Variants in OAS3 observed in about 807,000 individuals in gnomAD.
OAS3 encodes the protein 2'-5'-oligoadenylate synthase 3.
OAS3 carries 107 observed loss-of-function variants against 113.0 expected under a neutral mutation model. That is an observed-to-expected ratio of 0.95 (90% CI 0.81 to 1.11). The LOEUF is 1.11. Ranked by LOEUF, OAS3 falls within the 50% of genes most tolerant of loss-of-function variation. OAS3 has a pLI of 0.00. For missense variants in OAS3, 1,258 were observed against 1,389.1 expected, an observed-to-expected ratio of 0.91 and a Z score of 1.50; for synonymous variants, 552 against 573.6, an observed-to-expected ratio of 0.96 and a Z score of 0.54.
rs377162387 is a variant in OAS3 at position 112,967,597 on chromosome 12, C to G, written c.2865+4C>G. 2 of 1,612,122 alleles carry G rather than the reference C, an allele frequency of 1.2e-6. No individual in the cohort carries two copies. Among genetic ancestry groups the G allele is most frequent in the Non-Finnish European group, 1.7e-6 (2 of 1,179,022 alleles). ...GGTGAAGCACTGGTACCAGCAGGTT[C>G]GGCACATGGATAGGCCACCTTCCTA... On this transcript the variant is annotated splice_donor_region_variant and intron_variant, in intron 13 of 15. Transcript: ENST00000228928.
At chr12:112,967,720 G>A in intron 13 of OAS3, 127 bp downstream of exon 13, 1 of 1,151,742 alleles carries the variant, frequency 8.7e-7, no homozygotes, top group Non-Finnish European at 1.2e-6. Context: ...CAGAAAGAGT[G>A]CTATATCTCA....
At position 112,941,657 on chromosome 12, in the gene OAS3, G is replaced by T; in HGVS notation, c.265G>T (p.Asp89Tyr). ...IFLDCFKSYV[D>Y]QRARRAEILS... ...CCTCGACTGCTTCAAGAGCTATGTG[G>T]ACCAGAGGGCCCGCCGTGCAGAGAT... is the stretch of plus-strand genomic sequence containing the variant. The change falls in exon 2 of 16, where the codon GAC becomes TAC. Residue 89 changes from aspartate (D) to tyrosine (Y), a missense_variant. Physicochemically the swap from Asp to Tyr is radical, Grantham distance 160 (BLOSUM62 -3). Transcript: ENST00000228928. 6.2e-7 allele frequency: 1 copy of T among 1,614,034 alleles called. No individual in the cohort carries two copies. The highest frequency in any genetic ancestry group is 8.5e-7 in the Non-Finnish European group (1 of 1,179,904).
intron 7 of OAS3, among the ~76,000 whole-genome samples, chr12:112,960,814 A>C (rs1324153378): frequency 6.6e-6 from 1 of 152,182 alleles, no homozygotes; most frequent in Admixed American, 6.5e-5. Flanking sequence ...AAAATTTAAA[A>C]AACAAAAAAT....
At position 112,965,940 on chromosome 12, in the gene OAS3, A is replaced by T; in HGVS notation, c.2600A>T (p.Asn867Ile). The T allele has an allele frequency of 1.2e-6, 2 of 1,613,914 alleles. No individual in the cohort carries two copies. The highest frequency in any genetic ancestry group is 1.7e-6 in the Non-Finnish European group (2 of 1,179,868). Residue 867 changes from asparagine (N) to isoleucine (I), a missense_variant, in exon 12 of 16, where the codon AAT (asparagine) becomes ATT (isoleucine). By Grantham distance (149) the Asn-to-Ile change is moderately radical. Coordinates refer to ENST00000228928, the MANE Select transcript of OAS3 (RefSeq NM_006187.4). The part of the protein sequence containing the change: ...EVKFEVSKWE[N>I]PRVLSFSLTS... ...AAGTTTGAAGTCTCCAAATGGGAGA[A>T]TCCCCGCGTGCTGAGCTTCTCACTG...
intron 7 of OAS3, among the ~76,000 whole-genome samples, chr12:112,955,972 T>C (rs552342638): frequency 5.3e-5 from 8 of 152,286 alleles, no homozygotes; most frequent in Non-Finnish European, 8.8e-5. Context: ...GTCCTGGACT[T>C]TTTTTGGTTG....
chr12:112,963,235 C>T lies in OAS3; in HGVS notation c.2085-78C>T. ...CCTGACACTCTTTCCAGCCCTCACGCCCCTTTTCAGCCCTTCCACCCGCCT... is the reference window on the plus strand; with the variant it reads ...CCTGACACTCTTTCCAGCCCTCACGTCCCTTTTCAGCCCTTCCACCCGCCT... On this transcript the variant is annotated intron_variant, in intron 9 of 15. Coordinates refer to ENST00000228928, the MANE Select transcript of OAS3 (RefSeq NM_006187.4). This position sits in a 1 kb window ranked among gnomAD's most constrained non-coding sequence, Gnocchi z 4.6. 6.9e-7 allele frequency: 1 copy of T among 1,444,588 alleles called. No individual in the cohort carries two copies. The highest frequency in any genetic ancestry group is 9.2e-7 in the Non-Finnish European group (1 of 1,081,668). The allele number at this position is 1,444,588 out of a possible 1,614,324, so 89.5% of individuals were successfully genotyped here.
In OAS3 at chr12:112,962,650, A is replaced by G; in HGVS notation, c.1834-2A>G. The G allele has an allele frequency of 6.2e-7, 1 of 1,612,262 alleles. No homozygotes were observed. Among genetic ancestry groups the G allele is most frequent in the Non-Finnish European group, 8.5e-7 (1 of 1,178,430 alleles). On this transcript the variant is annotated splice_acceptor_variant, in intron 8 of 15. Transcript: ENST00000228928. LOFTEE classifies it high-confidence loss of function. ...ATCTTTGGTTGGCCTTGTGTGACAC[A>G]GGTTGCGGCTCAGAACAAAGGAAAA...
chr12:112,961,637 T>C (rs536052899), intron 8 of OAS3, among the ~76,000 whole-genome samples: 2 of 152,150 alleles, frequency 1.3e-5, no homozygotes, highest in Non-Finnish European at 2.9e-5. Flanking sequence ...ATGACCACCA[T>C]ATGGTAAGGG....
intron 3 of OAS3, among the ~76,000 whole-genome samples, chr12:112,945,927 G>A (rs1192958803): frequency 6.6e-6 from 1 of 152,162 alleles, no homozygotes; most frequent in Non-Finnish European, 1.5e-5. Flanking sequence ...AGGAGTTCAA[G>A]GCTGCAGTGA....
At chr12:112,949,235 G>GA in intron 6 of OAS3, 30 bp downstream of exon 6, 3 of 1,585,930 alleles carry the variant, frequency 1.9e-6, no homozygotes, top group South Asian at 1.1e-5. Context: ...ACACAGGGGG[G>GA]ACCCTATCGA....
At chr12:112,962,464 T>C (rs1314070185) in intron 8 of OAS3, among the ~76,000 whole-genome samples, 188 bp from the exon 9 acceptor site, 2 of 152,262 alleles carry the variant, frequency 1.3e-5, no homozygotes, top group African/African-American at 4.8e-5. Flanking sequence ...TCTCACTGTA[T>C]GACCTTAGAC....
At chr12:112,961,758 C>G (rs866713265) in intron 8 of OAS3, among the ~76,000 whole-genome samples, 1 of 152,062 alleles carries the variant, frequency 6.6e-6, no homozygotes, top group East Asian at 1.9e-4. Context: ...CAGATCTACT[C>G]CAAGGCTTTT....
chr12:112,963,031 C>A lies in OAS3; in HGVS notation c.2084+129C>A. The A allele has an allele frequency of 7.4e-7, 1 of 1,346,582 alleles. No individual in the cohort carries two copies. The highest frequency in any genetic ancestry group is 1.0e-6 in the Non-Finnish European group (1 of 972,172). The allele number at this position is 1,346,582 out of a possible 1,614,324, so 83.4% of individuals were successfully genotyped here. ...CAATCCCACTCCTCACTCTGCTTCCCTCTGGACTCTTTGCTGAGGAAGTGT... is the reference window on the plus strand; with the variant it reads ...CAATCCCACTCCTCACTCTGCTTCCATCTGGACTCTTTGCTGAGGAAGTGT... On this transcript the variant is annotated intron_variant, in intron 9 of 15. Coordinates refer to ENST00000228928, the MANE Select transcript of OAS3 (RefSeq NM_006187.4). This position sits in a 1 kb window ranked among gnomAD's most constrained non-coding sequence, Gnocchi z 4.6.
chr12:112,969,360 A>G (rs975348894), intron 14 of OAS3: 1 of 534,646 alleles, frequency 1.9e-6, no homozygotes, highest in Non-Finnish European at 3.4e-6. Context: ...TCCCCTGAAT[A>G]AGGAAGGGGT....
intron 6 of OAS3, chr12:112,950,432 C>T (rs2136349748): frequency 9.7e-6 from 5 of 515,570 alleles, no homozygotes; most frequent in East Asian, 3.3e-5. Context: ...ATCCCACCTC[C>T]ATTATCTGTT....
At chr12:112,964,555 G>C in intron 11 of OAS3, 147 bp downstream of exon 11, 1 of 801,842 alleles carries the variant, frequency 1.2e-6, no homozygotes, top group Non-Finnish European at 1.9e-6. Context: ...GTCATGGGAG[G>C]ATGGCAGAGA....
At position 112,968,078 on chromosome 12, in the gene OAS3, C is replaced by A. The variant is rs745956216; in HGVS notation, c.3008C>A (p.Thr1003Asn). The change falls in exon 14 of 16, where the codon ACC becomes AAC. Residue 1003 changes from threonine to asparagine, a missense_variant. Transcript: ENST00000228928. Reference protein sequence around the residue: ...EGFRTVLELVTQYRQLCIYWT... With the variant: ...EGFRTVLELVNQYRQLCIYWT... ...TTCCGCACGGTCCTGGAGCTGGTCA[C>A]CCAGTACCGCCAGCTCTGTATCTAC... 9.9e-6 allele frequency: 16 copies of A among 1,613,996 alleles called. No individual in the cohort carries two copies. The highest frequency in any genetic ancestry group is 1.2e-5 in the Non-Finnish European group (14 of 1,179,886).
intron 4 of OAS3, 84 bp from the exon 5 acceptor site, chr12:112,947,862 A>G: frequency 8.0e-7 from 1 of 1,257,840 alleles, no homozygotes; most frequent in Non-Finnish European, 1.1e-6. Flanking sequence ...GCTGGAAAGT[A>G]GCAGAGATGC....
At chr12:112,957,970 C>A (rs1383290775) in intron 7 of OAS3, among the ~76,000 whole-genome samples, 1 of 152,224 alleles carries the variant, frequency 6.6e-6, no homozygotes, top group Non-Finnish European at 1.5e-5. Context: ...CTTTCCGGTA[C>A]ACCAATCAGA....
Sources: allele counts gnomAD v4.1 joint callset (sites outside exome capture counted in the v4.1 genomes callset), GRCh38; gene constraint gnomAD v4.1.1; non-coding constraint Gnocchi (gnomAD v3.1); transcripts MANE v1.5; gene names NCBI Gene and HGNC (gene_info 2026-07-23, HGNC 2026-07-21).